Variants in SENP6 observed in about 807,000 individuals in gnomAD.
SENP6 encodes the protein sentrin-specific protease 6.
Under a neutral mutation model 134.5 loss-of-function variants are expected in SENP6, and 41 were observed. The ratio of observed to expected loss-of-function variants is 0.30; its 90% CI spans 0.24 to 0.40. The LOEUF (loss-of-function observed/expected upper bound fraction) is 0.40, where lower values mean the gene tolerates loss of function less well. Ranked by LOEUF, SENP6 falls within the 10% of genes least tolerant of loss-of-function variation. The pLI is 1.00. For synonymous variants in SENP6, 395 were observed against 429.8 expected (o/e 0.92, Z 1.00); for missense variants, 1,248 against 1,312.5 (o/e 0.95, Z 0.76).
chr6:75,639,486 C>T (rs1307091213), intron 5 of SENP6, among the ~76,000 whole-genome samples: 1 of 151,740 alleles, frequency 6.6e-6, no homozygotes, highest in Non-Finnish European at 1.5e-5. Flanking sequence ...TTGCATACTC[C>T]ACATGATAGG....
At chr6:75,673,952 T>C (rs571702949) in intron 11 of SENP6, among the ~76,000 whole-genome samples, 2 of 151,456 alleles carry the variant, frequency 1.3e-5, no homozygotes, top group Non-Finnish European at 2.9e-5. Context: ...ACCCGGGAGG[T>C]GGAGGTTGCA....
At chr6:75,689,849 A>G (rs889548150) in intron 16 of SENP6, among the ~76,000 whole-genome samples, 1 of 152,180 alleles carries the variant, frequency 6.6e-6, no homozygotes, top group African/African-American at 2.4e-5. Context: ...AAATTACCTC[A>G]TGATGCCTTT....
chr6:75,699,354 C>CTTTTTTTTTTTTTTT (rs71544060), intron 18 of SENP6, among the ~76,000 whole-genome samples: 1 of 115,014 alleles, frequency 8.7e-6, no homozygotes, highest in Non-Finnish European at 1.8e-5. Flanking sequence ...TTTGTTTTTG[C>CTTTTTTTTTTTTTTT]TTTTTTTTTT....
chr6:75,684,029 G>T (rs10943279), intron 16 of SENP6, among the ~76,000 whole-genome samples: 14,604 of 152,212 alleles, frequency 0.096, 729 homozygotes, highest in Non-Finnish European at 0.11. Flanking sequence ...CTATCCATGA[G>T]AATGGAATAT....
chr6:75,671,640 T>A (rs1030198990), intron 11 of SENP6, among the ~76,000 whole-genome samples: 2 of 152,168 alleles, frequency 1.3e-5, no homozygotes, highest in African/African-American at 4.8e-5. Context: ...GAGAATTGCT[T>A]GAACCTGGGA....
chr6:75,666,144 A>G (rs1185492015), intron 9 of SENP6, among the ~76,000 whole-genome samples: 1 of 114,244 alleles, frequency 8.8e-6, no homozygotes, highest in Non-Finnish European at 1.8e-5. Context: ...TATATGATAT[A>G]TATAAAACAT....
chr6:75,698,786 G>A (rs560658526), intron 18 of SENP6, among the ~76,000 whole-genome samples: 5 of 152,120 alleles, frequency 3.3e-5, no homozygotes, highest in Non-Finnish European at 7.4e-5. Flanking sequence ...TGAGGTGGGC[G>A]GATTACTTGA....
chr6:75,669,337 C>G (rs571978591), intron 10 of SENP6, among the ~76,000 whole-genome samples: 1 of 152,216 alleles, frequency 6.6e-6, no homozygotes, highest in East Asian at 1.9e-4. Flanking sequence ...GCCTGTGCGA[C>G]AGAGCGAGAC....
chr6:75,658,117 G>A (rs990601252), intron 7 of SENP6, among the ~76,000 whole-genome samples: 2 of 152,056 alleles, frequency 1.3e-5, no homozygotes, highest in Admixed American at 6.5e-5. Flanking sequence ...TGGGTTTGGA[G>A]AAGACAGAGT....
chr6:75,645,261 A>G (rs747637636), intron 6 of SENP6, among the ~76,000 whole-genome samples: 6 of 152,196 alleles, frequency 3.9e-5, no homozygotes, highest in East Asian at 1.9e-4. Context: ...TTGATTTTCA[A>G]TGAGTTTGGA....
At chr6:75,709,133 A>G (rs911997850) in intron 19 of SENP6, among the ~76,000 whole-genome samples, 1 of 152,102 alleles carries the variant, frequency 6.6e-6, no homozygotes, top group East Asian at 1.9e-4. Context: ...GTTCTATGAC[A>G]TGCTGTTTCT....
intron 19 of SENP6, among the ~76,000 whole-genome samples, chr6:75,703,674 A>G (rs907966126): frequency 2.0e-5 from 3 of 152,112 alleles, no homozygotes; most frequent in Non-Finnish European, 4.4e-5. Context: ...AGGAGGGAGG[A>G]TCGCTTGAGC....
chr6:75,640,635 A>T, intron 5 of SENP6, 49 bp from the exon 6 acceptor site: 1 of 1,358,964 alleles, frequency 7.4e-7, no homozygotes, highest in Non-Finnish European at 9.9e-7. Context: ...GTGATATATC[A>T]ACAATGAGGT....
intron 3 of SENP6, among the ~76,000 whole-genome samples, chr6:75,628,970 C>T (rs1329178458): frequency 6.6e-6 from 1 of 152,162 alleles, no homozygotes; most frequent in East Asian, 1.9e-4. Context: ...AGTGATCCAC[C>T]CACCTTGGCC....
At chr6:75,664,547 G>A (rs1772045981) in intron 9 of SENP6, among the ~76,000 whole-genome samples, 2 of 152,056 alleles carry the variant, frequency 1.3e-5, no homozygotes, top group Admixed American at 1.3e-4. Flanking sequence ...CCAGTAAGTG[G>A]CAAAACCCCA....
At chr6:75,625,183 C>T (rs1180257760) in intron 3 of SENP6, among the ~76,000 whole-genome samples, 2 of 143,396 alleles carry the variant, frequency 1.4e-5, no homozygotes, top group South Asian at 2.3e-4. Context: ...GCAATCTCAG[C>T]TTACTGCCAC....
chr6:75,660,367 G>A (rs1771677934), intron 8 of SENP6, among the ~76,000 whole-genome samples: 1 of 152,196 alleles, frequency 6.6e-6, no homozygotes, highest in Non-Finnish European at 1.5e-5. Context: ...TTTCTAACAT[G>A]AGCTAGAAGT....
chr6:75,611,776 C>G (rs1366213321), intron 1 of SENP6: 1 of 152,080 alleles, frequency 6.6e-6, no homozygotes, highest in Non-Finnish European at 1.5e-5. Flanking sequence ...CTTTTTCATT[C>G]CATAGAAAGT....
At chr6:75,675,243 G>A (rs1772997353) in intron 11 of SENP6, among the ~76,000 whole-genome samples, 192 bp from the exon 12 acceptor site, 2 of 152,034 alleles carry the variant, frequency 1.3e-5, no homozygotes, top group Admixed American at 6.6e-5. Context: ...TGACAAGAAT[G>A]TTAACAGTTT....
Sources: gnomAD v4.1 joint callset for allele counts (sites outside exome capture counted in the v4.1 genomes callset) on GRCh38, gnomAD v4.1.1 for gene constraint, MANE v1.5 for transcripts, NCBI Gene and HGNC (gene_info 2026-07-23, HGNC 2026-07-21) for gene names.